The following KLHL1 variants were observed in gnomAD, a reference collection of about 807,000 sequenced individuals.
KLHL1 encodes kelch like family member 1.
Under a neutral mutation model 77.7 loss-of-function variants are expected in KLHL1, and 47 were observed. That is an observed-to-expected ratio of 0.60 (90% confidence interval 0.48 to 0.77). The LOEUF (loss-of-function observed/expected upper bound fraction) is 0.77, where lower values mean the gene tolerates loss of function less well. Among genes scored for constraint, KLHL1 ranks in the 30% least tolerant of loss-of-function variants. KLHL1 has a pLI of 0.00. For synonymous variants in KLHL1, 360 were observed against 325.2 expected (o/e 1.11, Z -1.15); for missense variants, 925 against 910.8 (o/e 1.02, Z -0.20).
At chr13:69,985,485 A>G (rs73514715) in intron 1 of KLHL1, among the ~76,000 whole-genome samples, 1 of 151,658 alleles carries the variant, frequency 6.6e-6, no homozygotes, top group Admixed American at 6.6e-5. Flanking sequence ...AAAAGAAAAA[A>G]ATATATAAAA....
chr13:69,986,818 T>A (rs922569176), intron 1 of KLHL1, among the ~76,000 whole-genome samples: 3 of 152,018 alleles, frequency 2.0e-5, no homozygotes, highest in African/African-American at 7.2e-5. Flanking sequence ...AGATACTTGA[T>A]GTGTTTAATA....
intron 6 of KLHL1, among the ~76,000 whole-genome samples, chr13:69,822,266 T>A (rs116690190): frequency 6.6e-6 from 1 of 151,648 alleles, no homozygotes. Flanking sequence ...GGCAGCAGAT[T>A]TAGATAATCC....
chr13:69,818,381 C>T (rs1276817971), intron 6 of KLHL1, among the ~76,000 whole-genome samples: 3 of 151,820 alleles, frequency 2.0e-5, no homozygotes, highest in East Asian at 1.9e-4. Context: ...CCACCACACC[C>T]AGCTAATTTT....
chr13:69,713,155 G>A (rs1225041756), intron 9 of KLHL1, among the ~76,000 whole-genome samples: 1 of 152,010 alleles, frequency 6.6e-6, no homozygotes, highest in African/African-American at 2.4e-5. Context: ...TATTGACTGA[G>A]TATATAGCAA....
chr13:69,845,057 C>T (rs543354202), intron 5 of KLHL1, among the ~76,000 whole-genome samples: 1 of 151,676 alleles, frequency 6.6e-6, no homozygotes, highest in Admixed American at 6.6e-5. Flanking sequence ...AAGAGCCTAA[C>T]CTTGCTGTGC....
At chr13:70,072,713 A>G (rs1210496133) in intron 1 of KLHL1, among the ~76,000 whole-genome samples, 1 of 152,134 alleles carries the variant, frequency 6.6e-6, no homozygotes, top group Non-Finnish European at 1.5e-5. Flanking sequence ...ATATCAATAG[A>G]TGCAGAAAAG....
At chr13:69,843,628 T>C (rs1473015920) in intron 5 of KLHL1, among the ~76,000 whole-genome samples, 1 of 151,766 alleles carries the variant, frequency 6.6e-6, no homozygotes, top group Non-Finnish European at 1.5e-5. Context: ...TCTCATATTT[T>C]ACACTTAAAA....
chr13:69,706,133 A>G (rs1875614854), intron 10 of KLHL1, among the ~76,000 whole-genome samples: 1 of 151,348 alleles, frequency 6.6e-6, no homozygotes. Context: ...TAATGTGAAA[A>G]GCAATCATTA....
rs772429365 is a variant in KLHL1, at chr13:69,940,187, C to T, written c.867G>A (p.Ala289=). 78 of 1,612,302 alleles carry T rather than the reference C, an allele frequency of 4.8e-5. No homozygotes were observed. Among genetic ancestry groups the T allele is most frequent in the East Asian group, 2.2e-4 (10 of 44,840 alleles). Residue 289 remains alanine (A), a synonymous_variant, in exon 4 of 11, where the codon GCG becomes GCA. Coordinates refer to ENST00000377844, the MANE Select transcript of KLHL1 (RefSeq NM_020866.3). ...CCACCTGTGGAAGCTGAAGAAGGCA[C>T]GCTGCAGCAAGAAGGTTCTCAATGG... ...EDTIENLLAA[A]CLLQLPQVVE... is the part of the protein sequence containing the mutation.
intron 10 of KLHL1, among the ~76,000 whole-genome samples, chr13:69,707,089 G>A (rs901818738): frequency 6.6e-6 from 1 of 151,946 alleles, no homozygotes; most frequent in African/African-American, 2.4e-5. Flanking sequence ...GCCCTTTCCT[G>A]TTTATTCTTT....
chr13:69,920,578 GC>G (rs1882600055), intron 4 of KLHL1, among the ~76,000 whole-genome samples: 1 of 152,002 alleles, frequency 6.6e-6, no homozygotes, highest in Non-Finnish European at 1.5e-5. Context: ...GTATAAATGG[GC>G]TTTTTTGATA....
chr13:69,740,619 C>A (rs1221932078), intron 7 of KLHL1, 63 bp from the exon 8 acceptor site: 3 of 1,260,066 alleles, frequency 2.4e-6, no homozygotes, highest in Non-Finnish European at 3.3e-6. Context: ...ATTTAAAAAT[C>A]TGTTAAGTGG....
At chr13:70,002,138 C>T (rs918972604) in intron 1 of KLHL1, among the ~76,000 whole-genome samples, 6 of 151,588 alleles carry the variant, frequency 4.0e-5, no homozygotes, top group Admixed American at 2.6e-4. Context: ...TTATGCATTA[C>T]TCCCTCTGTA....
intron 10 of KLHL1, among the ~76,000 whole-genome samples, chr13:69,705,968 T>C (rs1444043802): frequency 1.3e-5 from 2 of 151,758 alleles, no homozygotes; most frequent in East Asian, 3.9e-4. Context: ...TATTTAATGT[T>C]CTTTTAAGTG....
chr13:70,076,032 C>T (rs1887260686), intron 1 of KLHL1, among the ~76,000 whole-genome samples: 1 of 151,516 alleles, frequency 6.6e-6, no homozygotes. Context: ...ATGGAAGCCT[C>T]AAATAATGTT....
intron 4 of KLHL1, among the ~76,000 whole-genome samples, chr13:69,914,167 T>C (rs1435052408): frequency 2.4e-4 from 37 of 152,166 alleles, no homozygotes. Flanking sequence ...CACCTTGTGA[T>C]CCTGTGAGTC....
At chr13:69,991,131 A>G (rs1885016814) in intron 1 of KLHL1, among the ~76,000 whole-genome samples, 1 of 152,022 alleles carries the variant, frequency 6.6e-6, no homozygotes, top group Non-Finnish European at 1.5e-5. Context: ...AACATACTAG[A>G]ATCTCTGGGA....
At chr13:69,956,233 G>GT (rs1299502373) in intron 3 of KLHL1, among the ~76,000 whole-genome samples, 1 of 146,992 alleles carries the variant, frequency 6.8e-6, no homozygotes, top group Non-Finnish European at 1.5e-5. Flanking sequence ...ATAACAAAAA[G>GT]TTGTATTTAG....
chr13:69,911,753 T>G (rs746051349), intron 4 of KLHL1, among the ~76,000 whole-genome samples: 1 of 152,062 alleles, frequency 6.6e-6, no homozygotes, highest in African/African-American at 2.4e-5. Context: ...CTAAATGAAA[T>G]ATATTATATT....
Sources: allele counts gnomAD v4.1 joint callset (sites outside exome capture counted in the v4.1 genomes callset), GRCh38; gene constraint gnomAD v4.1.1; transcripts MANE v1.5; gene names NCBI Gene and HGNC (gene_info 2026-07-23, HGNC 2026-07-21).